CAMK1D: variants seen among roughly 807,000 people sequenced by gnomAD.
The protein encoded by CAMK1D is calcium/calmodulin dependent protein kinase ID.
Under a neutral mutation model 47.7 loss-of-function variants are expected in CAMK1D, and 9 were observed. That is an observed-to-expected ratio of 0.19 (90% CI 0.11 to 0.33). The LOEUF (loss-of-function observed/expected upper bound fraction) is 0.33, where lower values mean the gene tolerates loss of function less well. CAMK1D is among the 10% of genes least tolerant of loss of function. The pLI is 1.00. For missense variants in CAMK1D, 291 were observed against 488.7 expected (o/e 0.60, Z 3.81); for synonymous variants, 184 against 184.9 (o/e 0.99, Z 0.04).
At chr10:12,759,780 T>G (rs1836414464) in intron 3 of CAMK1D, among the ~76,000 whole-genome samples, 1 of 152,228 alleles carries the variant, frequency 6.6e-6, no homozygotes. Flanking sequence ...AGTGGTTGTT[T>G]GATTAGTTTT....
In CAMK1D at chr10:12,651,681, C is replaced by T. The variant is rs578042062; in HGVS notation, c.225-15055C>T. ...CCTCGCAAAGTACTGGGATTACAGG[C>T]GTGAGCCATACTGCCTGGACAACTT... is the stretch of plus-strand genomic sequence containing the variant. On this transcript the variant is annotated intron_variant, in intron 2 of 10. Coordinates refer to ENST00000619168, the MANE Select transcript of CAMK1D (RefSeq NM_153498.4). Among the ~76,000 whole-genome samples, 132 of 152,166 alleles carry T rather than the reference C, an allele frequency of 8.7e-4. 2 individuals are homozygous for T. Among genetic ancestry groups the T allele is most frequent in the African/African-American group, 3.0e-3 (125 of 41,508 alleles).
At chr10:12,443,200 C>T (rs193069530) in intron 1 of CAMK1D, among the ~76,000 whole-genome samples, 54 of 152,114 alleles carry the variant, frequency 3.5e-4, no homozygotes, top group Admixed American at 9.8e-4. Context: ...CGTTTATGTG[C>T]GGCAGATCTT....
chr10:12,350,662 A>C (rs1047391382), intron 1 of CAMK1D, among the ~76,000 whole-genome samples: 1 of 152,220 alleles, frequency 6.6e-6, no homozygotes, highest in Non-Finnish European at 1.5e-5. Context: ...CGCTCCAAGC[A>C]TGTGCTGCTC....
chr10:12,440,542 C>G (rs905738122), intron 1 of CAMK1D, among the ~76,000 whole-genome samples: 2 of 152,184 alleles, frequency 1.3e-5, no homozygotes, highest in Non-Finnish European at 2.9e-5. Flanking sequence ...CCCACCTCGG[C>G]CTCCCAAAGT....
intron 2 of CAMK1D, among the ~76,000 whole-genome samples, chr10:12,624,581 C>G (rs1055077557): frequency 2.6e-5 from 4 of 152,190 alleles, no homozygotes; most frequent in Admixed American, 1.3e-4. Context: ...GAATTTCCTT[C>G]TCTTGTAAGG....
intron 3 of CAMK1D, among the ~76,000 whole-genome samples, chr10:12,686,146 TTGG>T (rs1329853744): frequency 1.1e-4 from 17 of 152,260 alleles, no homozygotes; most frequent in East Asian, 7.7e-4. Context: ...TTTAGCCTGT[TTGG>T]AAGTTAACAT....
At chr10:12,495,229 C>T (rs1021487002) in intron 1 of CAMK1D, among the ~76,000 whole-genome samples, 4 of 152,144 alleles carry the variant, frequency 2.6e-5, no homozygotes, top group Non-Finnish European at 4.4e-5. Context: ...AAGCCCGTAC[C>T]ATTTGTGCAA....
chr10:12,824,606 C>A, intron 9 of CAMK1D, 54 bp downstream of exon 9: 2 of 1,374,504 alleles, frequency 1.5e-6, no homozygotes, highest in South Asian at 1.2e-5. Context: ...GTGACACTGG[C>A]CCTCCAATCT....
At chr10:12,734,345 AATATATATATATATATAT>A (rs1212612487) in intron 3 of CAMK1D, among the ~76,000 whole-genome samples, 1 of 8,478 alleles carries the variant, frequency 1.2e-4, no homozygotes, top group African/African-American at 2.9e-4. Context: ...AAAAAAAAAA[AATATATATATATATATAT>A]ATATATATAT....
intron 1 of CAMK1D, among the ~76,000 whole-genome samples, chr10:12,441,939 C>T (rs531942497): frequency 7.2e-5 from 11 of 152,270 alleles, no homozygotes; most frequent in South Asian, 2.1e-4. Context: ...TAGTCAGTTT[C>T]AGTCAAATCT....
chr10:12,785,008 G>C (rs964420813), intron 5 of CAMK1D, among the ~76,000 whole-genome samples: 2 of 152,182 alleles, frequency 1.3e-5, no homozygotes, highest in African/African-American at 4.8e-5. Context: ...TTGTGTTACA[G>C]GATTTTGATG....
chr10:12,698,241 A>G (rs1221977242), intron 3 of CAMK1D, among the ~76,000 whole-genome samples: 1 of 152,204 alleles, frequency 6.6e-6, no homozygotes, highest in African/African-American at 2.4e-5. Flanking sequence ...CATGAAATTT[A>G]AAAATAGCCT....
chr10:12,379,578 C>T (rs1278240964), intron 1 of CAMK1D, among the ~76,000 whole-genome samples: 2 of 151,884 alleles, frequency 1.3e-5, no homozygotes, highest in East Asian at 3.9e-4. Flanking sequence ...CATGGTGAAA[C>T]CCTGTCTCTA....
chr10:12,395,318 C>T (rs1263447623), intron 1 of CAMK1D, among the ~76,000 whole-genome samples: 1 of 151,878 alleles, frequency 6.6e-6, no homozygotes, highest in East Asian at 1.9e-4. Context: ...GCCCCCGCCT[C>T]CGCAGAGGTT....
intron 2 of CAMK1D, among the ~76,000 whole-genome samples, chr10:12,609,759 A>G: frequency 6.6e-6 from 1 of 152,190 alleles, no homozygotes; most frequent in East Asian, 1.9e-4. Flanking sequence ...AACAGGCCAC[A>G]GACTGGTACC....
intron 1 of CAMK1D, among the ~76,000 whole-genome samples, chr10:12,481,481 G>A (rs370311495): frequency 1.3e-5 from 2 of 151,982 alleles, no homozygotes; most frequent in South Asian, 4.1e-4. Flanking sequence ...TGTCTCCCAT[G>A]TTGTGTGGCT....
chr10:12,655,797 G>T (rs1840100828), intron 2 of CAMK1D, among the ~76,000 whole-genome samples: 1 of 152,364 alleles, frequency 6.6e-6, no homozygotes, highest in African/African-American at 2.4e-5. Flanking sequence ...AGAAGGAAAA[G>T]TGGGTCTTTT....
chr10:12,568,652 T>G (rs1325679746), intron 2 of CAMK1D, among the ~76,000 whole-genome samples: 2 of 151,488 alleles, frequency 1.3e-5, no homozygotes, highest in Non-Finnish European at 2.9e-5. Context: ...TTTGAGTGCT[T>G]CTTTTCTTAA....
intron 2 of CAMK1D, among the ~76,000 whole-genome samples, chr10:12,657,153 A>T (rs1588744563): frequency 6.6e-6 from 1 of 152,272 alleles, no homozygotes. Flanking sequence ...CTGGCCAGGC[A>T]CGGTGGCTCA....
Sources: gnomAD v4.1 joint callset for allele counts (sites outside exome capture counted in the v4.1 genomes callset) on GRCh38, gnomAD v4.1.1 for gene constraint, MANE v1.5 for transcripts, NCBI Gene and HGNC (gene_info 2026-07-23, HGNC 2026-07-21) for gene names.